The following RFFL variants were observed in gnomAD, a reference collection of about 807,000 sequenced individuals.
RFFL encodes E3 ubiquitin-protein ligase rififylin.
Under a neutral mutation model 40.4 loss-of-function variants are expected in RFFL, and 16 were observed. The ratio of observed to expected loss-of-function variants is 0.40; its 90% CI spans 0.27 to 0.60. RFFL has a LOEUF of 0.60. Ranked by LOEUF, RFFL falls within the 20% of genes least tolerant of loss-of-function variation. RFFL has a pLI of 0.47. For missense variants in RFFL, 367 were observed against 451.7 expected (o/e 0.81, Z 1.70); for synonymous variants, 154 against 167.9 (o/e 0.92, Z 0.64).
upstream of RFFL, among the ~76,000 whole-genome samples, chr17:35,064,276 T>C (rs1040107661): frequency 6.6e-6 from 1 of 151,898 alleles, no homozygotes; most frequent in Non-Finnish European, 1.5e-5. Context: ...CTCATTAAGA[T>C]AGATGCACTG....
intron 1 of RFFL, among the ~76,000 whole-genome samples, chr17:35,055,848 TTGAGA>T (rs1350913565): frequency 6.6e-6 from 1 of 152,158 alleles, no homozygotes; most frequent in Non-Finnish European, 1.5e-5. Flanking sequence ...TAAGAATTGC[TTGAGA>T]TATTTTTCAG....
At chr17:35,017,759 C>T (rs1250504761) in intron 3 of RFFL, among the ~76,000 whole-genome samples, 153 bp from the exon 4 acceptor site, 1 of 152,222 alleles carries the variant, frequency 6.6e-6, no homozygotes. Flanking sequence ...AGCCTGCTCT[C>T]TCATACCAAC....
intron 1 of RFFL, among the ~76,000 whole-genome samples, chr17:35,034,697 T>G (rs1285124981): frequency 6.6e-6 from 1 of 152,066 alleles, no homozygotes; most frequent in African/African-American, 2.4e-5. Context: ...AGCTTATTTT[T>G]GTATTTTTAG....
chr17:35,036,932 T>G (rs1365250216), intron 1 of RFFL, among the ~76,000 whole-genome samples: 1 of 152,144 alleles, frequency 6.6e-6, no homozygotes, highest in Non-Finnish European at 1.5e-5. Context: ...CCATGCTGGT[T>G]TGCAATGTAA....
chr17:35,087,611 G>A (rs1468980689), intron 1 of RFFL, among the ~76,000 whole-genome samples: 1 of 152,006 alleles, frequency 6.6e-6, no homozygotes, highest in Non-Finnish European at 1.5e-5. Flanking sequence ...GTAATTAGAC[G>A]GGCATTAAAA....
upstream of RFFL, among the ~76,000 whole-genome samples, chr17:35,065,558 CAAAAA>C (rs947708350): frequency 2.3e-4 from 12 of 51,148 alleles, no homozygotes; most frequent in Admixed American, 6.6e-4. Flanking sequence ...AACTTCGTCT[CAAAAA>C]AAAAAAAAAA....
In RFFL at chr17:35,009,771, G is replaced by A. The variant is rs1388507387; in HGVS notation, c.*2197C>T. 1.3e-5 allele frequency: 2 copies of A among 152,588 alleles called. No homozygotes were observed. Among genetic ancestry groups the A allele is most frequent in the Non-Finnish European group, 2.9e-5 (2 of 68,028 alleles). 9.5% of individuals were successfully genotyped at this position (152,588 alleles called of 1,614,324 possible). On this transcript the variant is annotated 3_prime_UTR_variant, in exon 7 of 7. Transcript: ENST00000394597. ...GTCTAGGAGGGAAACTGAAGAGGAG[G>A]TAAGGCTTCAGCAGAGAAAGCAGGT...
intron 1 of RFFL, among the ~76,000 whole-genome samples, chr17:35,031,869 G>A (rs2091085318): frequency 1.3e-5 from 2 of 151,986 alleles, no homozygotes; most frequent in South Asian, 4.1e-4. Context: ...GCCGAGGCAG[G>A]AGGATCACGA....
chr17:35,042,933 A>G (rs1296853405), intron 1 of RFFL, among the ~76,000 whole-genome samples: 1 of 152,128 alleles, frequency 6.6e-6, no homozygotes, highest in Non-Finnish European at 1.5e-5. Flanking sequence ...ATTAGGATAA[A>G]GAGCCCTGCT....
At chr17:35,079,922 A>C (rs1215561346) in intron 1 of RFFL, among the ~76,000 whole-genome samples, 2 of 152,200 alleles carry the variant, frequency 1.3e-5, no homozygotes, top group Non-Finnish European at 2.9e-5. Flanking sequence ...CAAACATAAG[A>C]GAATCTGGAA....
intron 1 of RFFL, among the ~76,000 whole-genome samples, chr17:35,034,231 A>G (rs371024997): frequency 9.2e-5 from 14 of 152,010 alleles, no homozygotes; most frequent in African/African-American, 3.4e-4. Flanking sequence ...GCTATGTGAG[A>G]GGCTGAGGAC....
In RFFL at chr17:35,034,697, TG is replaced by T. The variant is rs1225543658; in HGVS notation, c.-8-8137del. Reference sequence around the variant, plus strand: ...GGAGTTACCACACCCAGCTTATTTTTGTATTTTTAGTAGAGACGGGGTTTCT... The same window carrying T: ...GGAGTTACCACACCCAGCTTATTTTTTATTTTTAGTAGAGACGGGGTTTCT... On this transcript the variant is annotated intron_variant, in intron 1 of 6. Coordinates refer to ENST00000394597, the MANE Select transcript of RFFL (RefSeq NM_001017368.2). Among the ~76,000 whole-genome samples, 3 of 152,184 alleles carry T rather than the reference TG, an allele frequency of 2.0e-5. No individual in the cohort carries two copies. The South Asian group carries it at 6.2e-4, about 32-fold the overall frequency.
intron 6 of RFFL, among the ~76,000 whole-genome samples, chr17:35,013,854 G>C: frequency 6.6e-6 from 1 of 152,190 alleles, no homozygotes; most frequent in South Asian, 2.1e-4. Context: ...TGGGGGGTTG[G>C]AGGGTGGAGG....
In RFFL at chr17:35,010,114, TTTAGTGG is replaced by T; in HGVS notation, c.*1847_*1853del. On this transcript the variant is annotated 3_prime_UTR_variant, in exon 7 of 7. Transcript: ENST00000394597. ...CAGTTATTTCATTCCTCCAAAGGGG[TTTAGTGG>T]TTGGTGATGGAAGAAAGCATAAATA... is the stretch of plus-strand genomic sequence containing the variant. The T allele has an allele frequency of 2.0e-5, 3 of 152,236 alleles. No individual in the cohort carries two copies. In the Middle Eastern group the frequency reaches 0.01, roughly 518 times the overall value. The allele number at this position is 152,236 out of a possible 1,614,324, so 9.4% of individuals were successfully genotyped here.
At chr17:35,035,811 C>G (rs2091118081) in intron 1 of RFFL, among the ~76,000 whole-genome samples, 1 of 151,974 alleles carries the variant, frequency 6.6e-6, no homozygotes, top group Admixed American at 6.6e-5. Flanking sequence ...TCAAGCGATT[C>G]TCCTGCCTCA....
At chr17:35,073,042 T>TAA (rs761802946) in intron 1 of RFFL, among the ~76,000 whole-genome samples, 1 of 49,360 alleles carries the variant, frequency 2.0e-5, no homozygotes. Context: ...AAACTCCGTC[T>TAA]CAAAAAAAAA....
chr17:35,014,826 A>C (rs758903593), intron 5 of RFFL, 63 bp from the exon 6 acceptor site: 95 of 1,483,330 alleles, frequency 6.4e-5, no homozygotes, highest in Non-Finnish European at 8.9e-5. Flanking sequence ...ACAGTCTCTT[A>C]CTGCCCTGAC....
At chr17:35,055,119 C>T (rs1171849322) in intron 1 of RFFL, among the ~76,000 whole-genome samples, 1 of 151,936 alleles carries the variant, frequency 6.6e-6, no homozygotes, top group East Asian at 2.0e-4. Context: ...GGGGTTTCAC[C>T]GTGTTAGCCA....
chr17:35,006,022 A>G lies in RFFL; in HGVS notation c.*5946T>C. 3.9e-6 allele frequency: 1 copy of G among 253,292 alleles called. No homozygotes were observed. Among genetic ancestry groups the G allele is most frequent in the Non-Finnish European group, 7.7e-6 (1 of 129,782 alleles). 15.7% of individuals were successfully genotyped at this position (253,292 alleles called of 1,614,324 possible). ...TTCTTCTTAGTTTTTAATTTCTTAAAGAAAATATACTCCATATCTGCAGGG... is the reference window on the plus strand; with the variant it reads ...TTCTTCTTAGTTTTTAATTTCTTAAGGAAAATATACTCCATATCTGCAGGG... On this transcript the variant is annotated 3_prime_UTR_variant, in exon 7 of 7. Coordinates refer to ENST00000394597, the MANE Select transcript of RFFL (RefSeq NM_001017368.2).
Sources: gnomAD v4.1 joint callset for allele counts (sites outside exome capture counted in the v4.1 genomes callset) on GRCh38, gnomAD v4.1.1 for gene constraint, MANE v1.5 for transcripts, NCBI Gene and HGNC (gene_info 2026-07-23, HGNC 2026-07-21) for gene names.